Variants in FAP observed in about 807,000 individuals in gnomAD.
FAP encodes the protein prolyl endopeptidase FAP.
A neutral mutation model predicts 126.5 loss-of-function variants in FAP; 110 were observed. That is an observed-to-expected ratio of 0.87 (90% CI 0.74 to 1.02). FAP has a LOEUF of 1.02. FAP is among the 50% of genes least tolerant of loss of function. FAP has a pLI of 0.00. For missense variants in FAP, 919 were observed against 909.2 expected, an observed-to-expected ratio of 1.01 and a Z score of -0.14; for synonymous variants, 334 against 297.3, an observed-to-expected ratio of 1.12 and a Z score of -1.27.
At chr2:162,213,835 C>A (rs540614216) in intron 11 of FAP, 103 bp downstream of exon 11, 1 of 1,177,764 alleles carries the variant, frequency 8.5e-7, no homozygotes, top group East Asian at 2.5e-5. Flanking sequence ...CAGTTGAATG[C>A]AGTAATCCTG....
At chr2:162,189,241 T>A in intron 18 of FAP, 69 bp from the exon 19 acceptor site, 4 of 862,340 alleles carry the variant, frequency 4.6e-6, no homozygotes, top group Admixed American at 2.3e-5. Flanking sequence ...TTGTCTTTAA[T>A]AACAATATAT....
intron 2 of FAP, among the ~76,000 whole-genome samples, chr2:162,238,180 G>A (rs1283395174): frequency 2.0e-5 from 3 of 151,944 alleles, no homozygotes; most frequent in Non-Finnish European, 4.4e-5. Context: ...TTCTTTTGCT[G>A]TGCAGAAGCT....
In FAP at chr2:162,218,000, T is replaced by A. The variant is rs370994596; in HGVS notation, c.748A>T (p.Ile250Phe). The stretch of plus-strand genomic sequence containing the variant: ...ATTCAACATACCTTTGGGTATGGAA[T>A]ATTTATTGTTCTAGGATATTGTTCA... ...GDEQYPRTIN[I>F]PYPKAGAKNP... Residue 250 changes from isoleucine (I) to phenylalanine (F), a missense_variant, in exon 9 of 26, where the codon ATT becomes TTT. Physicochemically the swap from Ile to Phe is conservative, Grantham distance 21. Transcript: ENST00000188790. The A allele has an allele frequency of 1.3e-6, 2 of 1,576,934 alleles. No homozygotes were observed. The highest frequency in any genetic ancestry group is 3.7e-5 in the Admixed American group (2 of 53,826).
intron 2 of FAP, among the ~76,000 whole-genome samples, chr2:162,235,014 CCCT>C (rs1186340330): frequency 6.6e-6 from 1 of 152,094 alleles, no homozygotes; most frequent in Non-Finnish European, 1.5e-5. Context: ...GAACCGGGTC[CCCT>C]AGCAGTGCTG....
intron 9 of FAP, among the ~76,000 whole-genome samples, chr2:162,217,034 G>C (rs1346063430): frequency 7.9e-5 from 12 of 152,216 alleles, no homozygotes. Flanking sequence ...TGTGAGGCCT[G>C]TCCCAAACAT....
At chr2:162,225,289 T>C (rs1689589887) in intron 4 of FAP, among the ~76,000 whole-genome samples, 194 bp downstream of exon 4, 1 of 152,156 alleles carries the variant, frequency 6.6e-6, no homozygotes, top group African/African-American at 2.4e-5. Flanking sequence ...GGAGGAAAGA[T>C]GCTAGTTGAT....
At chr2:162,215,302 T>C (rs780630902) in intron 10 of FAP, among the ~76,000 whole-genome samples, 3 of 152,148 alleles carry the variant, frequency 2.0e-5, no homozygotes, top group Admixed American at 2.0e-4. Flanking sequence ...TGGGCACCTC[T>C]TCCCCTTAGC....
chr2:162,210,126 T>C (rs1688865347), intron 11 of FAP, 130 bp from the exon 12 acceptor site: 1 of 723,614 alleles, frequency 1.4e-6, no homozygotes, highest in Admixed American at 2.6e-5. Context: ...AACTTCAAAT[T>C]TGAGTTTAAA....
At position 162,217,912 on chromosome 2, in the gene FAP, C is replaced by T. The variant is rs1004293964; in HGVS notation, c.762+74G>A. 9 of 1,229,436 alleles carry T rather than the reference C, an allele frequency of 7.3e-6. No homozygotes were observed. The South Asian group carries it at 1.1e-4, about 15-fold the overall frequency. 76.2% of individuals were successfully genotyped at this position (1,229,436 alleles called of 1,614,324 possible). On this transcript the variant is annotated intron_variant, in intron 9 of 25. Transcript: ENST00000188790. ...AAGCTCTCCAAACTTGTTGATCCCA[C>T]CTTTACTCATGGTAAATCATTGCTC...
chr2:162,222,301 T>C (rs1377853522), intron 6 of FAP, among the ~76,000 whole-genome samples: 2 of 152,190 alleles, frequency 1.3e-5, no homozygotes, highest in African/African-American at 4.8e-5. Flanking sequence ...CATCTCATTG[T>C]TATATGTGTT....
rs1576153214 is a variant in FAP at position 162,195,070 on chromosome 2, C to T, written c.1403-322G>A. ...GACAAATGGCCTTCTGGGAAGATGT[C>T]ATGCTGTATTGGGCCAGTTTTGGCT... On this transcript the variant is annotated intron_variant, in intron 16 of 25. Coordinates refer to ENST00000188790, the MANE Select transcript of FAP (RefSeq NM_004460.5). 3 of 352,128 alleles carry T rather than the reference C, an allele frequency of 8.5e-6. No individual in the cohort carries two copies. In the South Asian group the frequency reaches 9.9e-5, roughly 12 times the overall value. 21.8% of individuals were successfully genotyped at this position (352,128 alleles called of 1,614,324 possible).
intron 2 of FAP, among the ~76,000 whole-genome samples, chr2:162,227,148 C>G (rs114068882): frequency 2.6e-5 from 4 of 152,112 alleles, no homozygotes; most frequent in East Asian, 3.9e-4. Context: ...TGGCCAGAAC[C>G]CTTACCTTCA....
At chr2:162,201,615 T>C (rs1487439627) in intron 14 of FAP, among the ~76,000 whole-genome samples, 2 of 152,180 alleles carry the variant, frequency 1.3e-5, no homozygotes, top group East Asian at 3.9e-4. Context: ...GTCCAGTTTG[T>C]CTCTTTTCTC....
Position 162,189,698 on chromosome 2 carries a change from G to A in FAP, c.1507C>T (p.Leu503=). ...AGTTTCTTAATTTCCTCTTTAGGCA[G>A]CTGGATATTTTTCAAAGCATTTTCC... ...ELENALKNIQ[L]PKEEIKKLEV... The change falls in exon 18 of 26, where the codon CTG becomes TTG. Residue 503 remains leucine (L), a synonymous_variant. Transcript: ENST00000188790. 1 of 1,592,992 alleles carries A rather than the reference G, an allele frequency of 6.3e-7. No individual in the cohort carries two copies.
chr2:162,192,565 A>G (rs1688089043), intron 17 of FAP, among the ~76,000 whole-genome samples: 1 of 151,968 alleles, frequency 6.6e-6, no homozygotes, highest in Admixed American at 6.6e-5. Context: ...CTCGGCTCAT[A>G]TCATCCACTT....
Position 162,193,431 on chromosome 2 carries a change from T to C in FAP, c.1450+1270A>G, listed in dbSNP as rs544637365. On this transcript the variant is annotated intron_variant, in intron 17 of 25. Transcript: ENST00000188790. ...ATTTTGTAAATAGTGAGTGAAGTAA[T>C]AGAGCTTCAAAATCAGTACACAGAT... The C allele has an allele frequency of 2.0e-5, 3 of 152,278 alleles. No homozygotes were observed. The East Asian group carries it at 5.8e-4, about 29-fold the overall frequency. 9.4% of individuals were successfully genotyped at this position (152,278 alleles called of 1,614,324 possible).
chr2:162,194,607 T>A, intron 17 of FAP, 94 bp downstream of exon 17: 2 of 1,043,116 alleles, frequency 1.9e-6, no homozygotes, highest in East Asian at 4.8e-5. Context: ...TTCCCCTTGG[T>A]GGTGTGGAGA....
Position 162,228,023 on chromosome 2 carries a change from C to T in FAP, c.92-1402G>A, listed in dbSNP as rs1473102021. 5.3e-5 allele frequency among the ~76,000 whole-genome samples: 8 copies of T among 152,202 alleles called. No individual in the cohort carries two copies. The East Asian group carries it at 1.4e-3, about 26-fold the overall frequency. On this transcript the variant is annotated intron_variant, in intron 2 of 25. Coordinates refer to ENST00000188790, the MANE Select transcript of FAP (RefSeq NM_004460.5). ...TGAGTGATTATTTGATTACTGTTTT[C>T]CCACCTCCCTCTGTATAATCAAAAC...
At chr2:162,222,281 A>G (rs1380206938) in intron 6 of FAP, among the ~76,000 whole-genome samples, 1 of 152,166 alleles carries the variant, frequency 6.6e-6, no homozygotes, top group Non-Finnish European at 1.5e-5. Flanking sequence ...TGGTGCCCCA[A>G]GCTCATTTGC....
Sources: allele counts gnomAD v4.1 joint callset (sites outside exome capture counted in the v4.1 genomes callset), GRCh38; gene constraint gnomAD v4.1.1; transcripts MANE v1.5; gene names NCBI Gene and HGNC (gene_info 2026-07-23, HGNC 2026-07-21).